The following KIF26B variants were observed in gnomAD, a reference collection of about 807,000 sequenced individuals.
The protein encoded by KIF26B is kinesin family member 26B, also known as kinesin-like protein KIF26B.
A neutral mutation model predicts 151.2 loss-of-function variants in KIF26B; 63 were observed. The observed-to-expected ratio is 0.42, with a 90% confidence interval of 0.34 to 0.51. The LOEUF is 0.51. Among genes scored for constraint, KIF26B ranks in the 20% least tolerant of loss-of-function variants. The probability of loss-of-function intolerance (pLI) is 0.07; values close to 1 mark genes in which losing one functional copy is unlikely to be tolerated. For missense variants in KIF26B, 2,813 were observed against 2,913.6 expected, an observed-to-expected ratio of 0.97 and a Z score of 0.79; for synonymous variants, 1,357 against 1,262.1, an observed-to-expected ratio of 1.08 and a Z score of -1.59.
At chr1:245,230,022 A>G (rs766865001) in intron 2 of KIF26B, among the ~76,000 whole-genome samples, 2 of 151,970 alleles carry the variant, frequency 1.3e-5, no homozygotes, top group Admixed American at 6.6e-5. Context: ...AATCCCAGCT[A>G]CTCTGGAGGC....
At chr1:245,652,150 G>C (rs1054872399) in intron 10 of KIF26B, among the ~76,000 whole-genome samples, 11 of 130,440 alleles carry the variant, frequency 8.4e-5, no homozygotes, top group African/African-American at 3.0e-4. Flanking sequence ...GTGTGTGAGA[G>C]AGACATATGC....
chr1:245,521,343 A>C (rs1276082255), intron 4 of KIF26B, among the ~76,000 whole-genome samples: 2 of 94,612 alleles, frequency 2.1e-5, no homozygotes, highest in Non-Finnish European at 5.5e-5. Context: ...TCCGTCTTAA[A>C]AAAAAAAAAA....
At chr1:245,554,677 T>C (rs1661977195) in intron 5 of KIF26B, among the ~76,000 whole-genome samples, 1 of 152,206 alleles carries the variant, frequency 6.6e-6, no homozygotes, top group Non-Finnish European at 1.5e-5. Flanking sequence ...TTCTCCCTCC[T>C]TCTTTTTCAC....
At chr1:245,410,826 T>C (rs910014672) in intron 3 of KIF26B, among the ~76,000 whole-genome samples, 14 of 152,188 alleles carry the variant, frequency 9.2e-5, no homozygotes, top group Non-Finnish European at 1.8e-4. Flanking sequence ...ACATTAAGTA[T>C]ATTCACATTG....
At chr1:245,522,995 G>A (rs577025109) in intron 4 of KIF26B, among the ~76,000 whole-genome samples, 3 of 152,226 alleles carry the variant, frequency 2.0e-5, no homozygotes, top group South Asian at 2.1e-4. Flanking sequence ...TTTACTCTGC[G>A]TCAGGAACTG....
At chr1:245,487,550 C>A (rs1033060933) in intron 4 of KIF26B, among the ~76,000 whole-genome samples, 1 of 152,110 alleles carries the variant, frequency 6.6e-6, no homozygotes, top group African/African-American at 2.4e-5. Flanking sequence ...CAATCAAGGG[C>A]AAAGAGTTAA....
At chr1:245,161,948 G>C (rs12090927) in intron 2 of KIF26B, among the ~76,000 whole-genome samples, 43 of 152,110 alleles carry the variant, frequency 2.8e-4, no homozygotes, top group African/African-American at 1.0e-3. Context: ...CTGAGTTGAG[G>C]AATTGTCTTG....
intron 2 of KIF26B, among the ~76,000 whole-genome samples, chr1:245,219,746 AAAAAG>A (rs1669726439): frequency 6.6e-6 from 1 of 152,074 alleles, no homozygotes; most frequent in South Asian, 2.1e-4. Context: ...CCACCCCAAA[AAAAAG>A]AAAACAAAGA....
chr1:245,634,808 C>A (rs994797668), intron 9 of KIF26B, among the ~76,000 whole-genome samples: 4 of 152,044 alleles, frequency 2.6e-5, no homozygotes, highest in Non-Finnish European at 5.9e-5. Flanking sequence ...CTCCTGTGCT[C>A]CAGCAATCCT....
chr1:245,642,585 AAAAAT>A (rs2043905098), intron 9 of KIF26B, among the ~76,000 whole-genome samples: 1 of 148,212 alleles, frequency 6.7e-6, no homozygotes. Context: ...AAAAAAAAAA[AAAAAT>A]GGAGGCTGGC....
chr1:245,609,817 A>G (rs537625552), intron 8 of KIF26B, among the ~76,000 whole-genome samples: 95 of 152,234 alleles, frequency 6.2e-4, no homozygotes, highest in African/African-American at 2.1e-3. Flanking sequence ...AAAAGTAACA[A>G]TCTTTCTTTT....
intron 5 of KIF26B, among the ~76,000 whole-genome samples, chr1:245,551,806 C>T (rs958290077): frequency 6.6e-6 from 1 of 152,120 alleles, no homozygotes; most frequent in Non-Finnish European, 1.5e-5. Context: ...AGTGAAATGC[C>T]AATTCCTTGG....
intron 2 of KIF26B, among the ~76,000 whole-genome samples, chr1:245,324,889 G>T (rs1186361346): frequency 6.6e-6 from 1 of 152,104 alleles, no homozygotes. Context: ...GAGGTCAGGA[G>T]TTCGAGACCA....
intron 4 of KIF26B, among the ~76,000 whole-genome samples, chr1:245,482,444 A>T (rs1660188727): frequency 6.6e-6 from 1 of 151,818 alleles, no homozygotes; most frequent in Non-Finnish European, 1.5e-5. Context: ...AATCAACATT[A>T]GAACTAGACG....
intron 4 of KIF26B, among the ~76,000 whole-genome samples, chr1:245,448,278 G>A (rs556294028): frequency 6.6e-6 from 1 of 152,286 alleles, no homozygotes; most frequent in East Asian, 1.9e-4. Context: ...CATGATCTTG[G>A]CTCACTGCAA....
intron 2 of KIF26B, among the ~76,000 whole-genome samples, chr1:245,363,544 A>G (rs566820358): frequency 2.6e-5 from 4 of 152,106 alleles, no homozygotes; most frequent in Non-Finnish European, 5.9e-5. Flanking sequence ...TTAAAGCAGT[A>G]TCTTCTTTAT....
chr1:245,511,550 A>G (rs1483081691), intron 4 of KIF26B, among the ~76,000 whole-genome samples: 1 of 152,212 alleles, frequency 6.6e-6, no homozygotes, highest in African/African-American at 2.4e-5. Context: ...TGGCTTTCAG[A>G]GCAGGTTCTT....
chr1:245,509,496 C>T (rs1053249936), intron 4 of KIF26B, among the ~76,000 whole-genome samples: 2 of 152,192 alleles, frequency 1.3e-5, no homozygotes, highest in Non-Finnish European at 1.5e-5. Context: ...TTCCACTCTC[C>T]TATCCTCCAT....
intron 9 of KIF26B, among the ~76,000 whole-genome samples, chr1:245,637,673 C>A (rs2043849977): frequency 6.6e-6 from 1 of 151,956 alleles, no homozygotes; most frequent in East Asian, 1.9e-4. Flanking sequence ...AGTTGATTTT[C>A]ATAATGTGAT....
Sources: allele counts gnomAD v4.1 joint callset (sites outside exome capture counted in the v4.1 genomes callset), GRCh38; gene constraint gnomAD v4.1.1; transcripts MANE v1.5; gene names NCBI Gene and HGNC (gene_info 2026-07-23, HGNC 2026-07-21).